The following RASEF variants were observed in gnomAD, a reference collection of about 807,000 sequenced individuals.
The protein encoded by RASEF is RAS and EF-hand domain containing, also known as ras and EF-hand domain-containing protein.
A neutral mutation model predicts 90.1 loss-of-function variants in RASEF; 68 were observed. The ratio of observed to expected loss-of-function variants is 0.75; its 90% confidence interval spans 0.62 to 0.92. RASEF has a LOEUF of 0.92. Among genes scored for constraint, RASEF ranks in the 40% least tolerant of loss-of-function variants. The pLI is 0.00. For missense variants in RASEF, 949 were observed against 937.2 expected, an observed-to-expected ratio of 1.01 and a Z score of -0.16; for synonymous variants, 331 against 345.2, an observed-to-expected ratio of 0.96 and a Z score of 0.46.
intron 5 of RASEF, among the ~76,000 whole-genome samples, chr9:83,011,923 A>G (rs1334365931): frequency 6.6e-6 from 1 of 152,208 alleles, no homozygotes; most frequent in Non-Finnish European, 1.5e-5. Flanking sequence ...GAAAATATTT[A>G]GAATCATAAG....
At chr9:83,170,714 G>A in the RASEF span, among the ~76,000 whole-genome samples, 6 of 151,402 alleles carry the variant, frequency 4.0e-5, no homozygotes, top group Non-Finnish European at 8.9e-5. Context: ...TTTCTTTTTC[G>A]GATAGTTCAC....
chr9:83,177,765 C>T, the RASEF span, among the ~76,000 whole-genome samples: 3 of 152,088 alleles, frequency 2.0e-5, no homozygotes, highest in East Asian at 5.8e-4. Context: ...TGTTGAGCTT[C>T]TTGGATATGA....
At chr9:83,088,676 T>A in the RASEF span, among the ~76,000 whole-genome samples, 2 of 152,112 alleles carry the variant, frequency 1.3e-5, no homozygotes, top group Non-Finnish European at 2.9e-5. Flanking sequence ...TCTTTGTCTC[T>A]AGCAAAACAT....
chr9:83,093,239 G>A, the RASEF span, among the ~76,000 whole-genome samples: 7,386 of 152,288 alleles, frequency 0.049, 227 homozygotes, highest in South Asian at 0.091. Flanking sequence ...GGCTTCACCC[G>A]GTGGATCCCG....
At chr9:82,998,472 G>C in intron 12 of RASEF, 26 bp from the exon 13 acceptor site, 1 of 1,417,832 alleles carries the variant, frequency 7.1e-7, no homozygotes, top group East Asian at 2.3e-5. Context: ...AGAGTGGAGA[G>C]CACGATGTAA....
intron 2 of RASEF, among the ~76,000 whole-genome samples, 170 bp from the exon 3 acceptor site, chr9:83,022,596 A>C (rs1023552176): frequency 1.1e-4 from 17 of 152,188 alleles, no homozygotes; most frequent in Non-Finnish European, 2.2e-4. Flanking sequence ...TGGCAATTCG[A>C]CCATTTTGGT....
At chr9:83,106,402 T>C in the RASEF span, among the ~76,000 whole-genome samples, 2 of 152,174 alleles carry the variant, frequency 1.3e-5, no homozygotes, top group African/African-American at 2.4e-5. Flanking sequence ...CCCTATGTCA[T>C]GTGTGACAGT....
chr9:83,185,306 G>A, the RASEF span, among the ~76,000 whole-genome samples: 2 of 151,584 alleles, frequency 1.3e-5, no homozygotes, highest in Non-Finnish European at 2.9e-5. Context: ...GTCAGAGGTG[G>A]ACCATTAAAG....
intron 1 of RASEF, chr9:83,054,672 G>A (rs1266368598): frequency 6.9e-6 from 1 of 144,610 alleles, no homozygotes; most frequent in Non-Finnish European, 1.5e-5. Flanking sequence ...CCATCTTTGT[G>A]GTTTTATCTA....
intron 3 of RASEF, among the ~76,000 whole-genome samples, chr9:83,019,715 C>T (rs1320395976): frequency 1.3e-5 from 2 of 152,176 alleles, no homozygotes; most frequent in Non-Finnish European, 2.9e-5. Flanking sequence ...CACTGTGGTA[C>T]CCCTACGTAA....
At chr9:83,128,274 G>T in the RASEF span, among the ~76,000 whole-genome samples, 1 of 151,912 alleles carries the variant, frequency 6.6e-6, no homozygotes, top group Non-Finnish European at 1.5e-5. Context: ...GCAGATCCCT[G>T]GTGAAACCCG....
At chr9:83,075,157 A>G in the RASEF span, among the ~76,000 whole-genome samples, 2 of 152,118 alleles carry the variant, frequency 1.3e-5, no homozygotes, top group African/African-American at 4.8e-5. Context: ...AAGAATCATG[A>G]TGTTTATTTT....
intron 1 of RASEF, among the ~76,000 whole-genome samples, chr9:83,045,767 A>G (rs189641529): frequency 9.8e-5 from 15 of 152,366 alleles, no homozygotes; most frequent in African/African-American, 3.6e-4. Context: ...TAAATGAAGT[A>G]TGCTAAAGCA....
intron 5 of RASEF, among the ~76,000 whole-genome samples, chr9:83,012,075 G>A (rs1261531923): frequency 8.7e-5 from 13 of 150,224 alleles, no homozygotes; most frequent in African/African-American, 2.9e-4. Flanking sequence ...ATGGAAAAGC[G>A]ACAGAAAAAA....
chr9:83,133,468 G>T, the RASEF span, among the ~76,000 whole-genome samples: 1 of 152,122 alleles, frequency 6.6e-6, no homozygotes, highest in Admixed American at 6.6e-5. Flanking sequence ...AAAAGAACAG[G>T]AGTGAGGAGT....
the RASEF span, among the ~76,000 whole-genome samples, chr9:83,128,582 G>A: frequency 6.6e-6 from 1 of 151,950 alleles, no homozygotes; most frequent in East Asian, 1.9e-4. Context: ...TGGGTGGGGG[G>A]GCCACCCCTG....
In RASEF at chr9:82,982,384, GATTTCTTTTC is replaced by G. The variant is rs1587470262; in HGVS notation, c.*283_*292del. On this transcript the variant is annotated 3_prime_UTR_variant, in exon 17 of 17. Coordinates refer to ENST00000376447, the MANE Select transcript of RASEF (RefSeq NM_152573.4). ...CTCTACAGCTTTGATCTGAGCATGTGATTTCTTTTCTTTTCTTTTTTTTTACCATTTTAAA... is the reference window on the plus strand; with the variant it reads ...CTCTACAGCTTTGATCTGAGCATGTGTTTTCTTTTTTTTTACCATTTTAAA... The G allele has an allele frequency of 6.2e-6, 1 of 162,046 alleles. No homozygotes were observed. The highest frequency in any genetic ancestry group is 1.7e-4 in the East Asian group (1 of 5,932). The allele number at this position is 162,046 out of a possible 1,614,324, so 10.0% of individuals were successfully genotyped here.
chr9:83,090,796 C>T, the RASEF span, among the ~76,000 whole-genome samples: 1 of 151,812 alleles, frequency 6.6e-6, no homozygotes, highest in African/African-American at 2.4e-5. Flanking sequence ...AATTATCTTC[C>T]CTCCCCAGAG....
intron 3 of RASEF, among the ~76,000 whole-genome samples, chr9:83,020,109 G>A (rs1454287943): frequency 6.6e-6 from 1 of 151,754 alleles, no homozygotes; most frequent in Admixed American, 6.6e-5. Flanking sequence ...AGCTGTTACA[G>A]TTAAAAAAAA....
Sources: allele counts gnomAD v4.1 joint callset (sites outside exome capture counted in the v4.1 genomes callset), GRCh38; gene constraint gnomAD v4.1.1; transcripts MANE v1.5; gene names NCBI Gene and HGNC (gene_info 2026-07-23, HGNC 2026-07-21).